Variants in DOCK10 observed in about 807,000 individuals in gnomAD.
DOCK10 encodes the protein dedicator of cytokinesis protein 10.
In DOCK10, 145 loss-of-function variants were observed where a neutral mutation model predicts 280.1. That is an observed-to-expected ratio of 0.52 (90% CI 0.45 to 0.59). DOCK10 has a LOEUF of 0.59. DOCK10 is among the 20% of genes least tolerant of loss of function. DOCK10 has a pLI of 0.00. For synonymous variants in DOCK10, 915 were observed against 942.2 expected, an observed-to-expected ratio of 0.97 and a Z score of 0.53; for missense variants, 2,368 against 2,651.7, an observed-to-expected ratio of 0.89 and a Z score of 2.35.
chr2:225,030,966 A>G (rs1690058856), intron 1 of DOCK10, among the ~76,000 whole-genome samples: 2 of 152,054 alleles, frequency 1.3e-5, no homozygotes, highest in Non-Finnish European at 2.9e-5. Flanking sequence ...TTGCATGCCT[A>G]ATCTATACTC....
intron 3 of DOCK10, 130 bp downstream of exon 3, chr2:224,916,563 GAC>G: frequency 3.4e-6 from 1 of 290,026 alleles, no homozygotes; most frequent in Non-Finnish European, 6.3e-6. Flanking sequence ...AAAAAAAAAA[GAC>G]ATCCACTAGT....
intron 7 of DOCK10, among the ~76,000 whole-genome samples, chr2:224,883,399 C>T (rs1304939720): frequency 2.6e-5 from 4 of 152,160 alleles, no homozygotes; most frequent in Non-Finnish European, 1.5e-5. Context: ...GATAAATTAA[C>T]ACACTTAGGA....
Position 225,033,308 on chromosome 2 carries a change from G to A in DOCK10, c.123+8944C>T, listed in dbSNP as rs568242108. On this transcript the variant is annotated intron_variant, in intron 1 of 55. Transcript: ENST00000258390. ...AGCAATTCTCCTGCCTCAGCCTCCCGAGCAGCTGGGACTACAGGTGCATGC... is the reference window on the plus strand; with the variant it reads ...AGCAATTCTCCTGCCTCAGCCTCCCAAGCAGCTGGGACTACAGGTGCATGC... 3.7e-3 allele frequency among the ~76,000 whole-genome samples: 555 copies of A among 151,758 alleles called. 6 individuals are homozygous for A. The highest frequency in any genetic ancestry group is 0.013 in the African/African-American group (523 of 41,352).
rs187093491 is a variant in DOCK10 at position 224,877,385 on chromosome 2, T to C, written c.748-1164A>G. On this transcript the variant is annotated intron_variant, in intron 7 of 55. Coordinates refer to ENST00000258390, the MANE Select transcript of DOCK10 (RefSeq NM_014689.3). Reference sequence around the variant, plus strand: ...TACGGACACTTGAAGGATTCAATAGTGGTGGGTTCAAAACCAGTCATATTT... The same window carrying C: ...TACGGACACTTGAAGGATTCAATAGCGGTGGGTTCAAAACCAGTCATATTT... Among the ~76,000 whole-genome samples the C allele has an allele frequency of 3.3e-5, 5 of 152,282 alleles. No homozygotes were observed. The East Asian group carries it at 7.7e-4, about 24-fold the overall frequency.
chr2:224,873,956 T>C lies in DOCK10; in HGVS notation c.1257+40A>G, dbSNP rs1283943928. Reference sequence around the variant, plus strand: ...GATTTTTGACTAGGGTGGTGTAATGTTGGCTTAATGGTATAGGATGTAACA... The same window carrying C: ...GATTTTTGACTAGGGTGGTGTAATGCTGGCTTAATGGTATAGGATGTAACA... On this transcript the variant is annotated intron_variant, in intron 11 of 55. Transcript: ENST00000258390. 5.1e-6 allele frequency: 8 copies of C among 1,571,028 alleles called. No individual in the cohort carries two copies. In the African/African-American group the frequency reaches 9.6e-5, roughly 19 times the overall value.
chr2:224,796,978 G>A lies in DOCK10; in HGVS notation c.4813C>T (p.Arg1605Trp), dbSNP rs374380450. ...GCAGCACTTACTTGTAAGTGGGACC[G>A]GACAATTGACTTCTGCTTGTTAAAT... is the stretch of plus-strand genomic sequence containing the variant. ...FEFNKQKSIVRSHLQLIKAVS... is the reference protein window; with the variant it reads ...FEFNKQKSIVWSHLQLIKAVS... Residue 1605 changes from arginine to tryptophan, a missense_variant, in exon 43 of 56, where the codon CGG (arginine) becomes TGG (tryptophan). Around this residue, in one of 2 missense-constraint regions of DOCK10, gnomAD observed 1,159 missense variants for 1,400.8 expected, o/e 0.83. Coordinates refer to ENST00000258390, the MANE Select transcript of DOCK10 (RefSeq NM_014689.3). 32 of 1,612,472 alleles carry A rather than the reference G, an allele frequency of 2.0e-5. No homozygotes were observed. The highest frequency in any genetic ancestry group is 2.5e-5 in the Non-Finnish European group (30 of 1,179,296).
At chr2:224,888,891 T>C (rs1699494986) in intron 4 of DOCK10, among the ~76,000 whole-genome samples, 1 of 152,010 alleles carries the variant, frequency 6.6e-6, no homozygotes, top group African/African-American at 2.4e-5. Flanking sequence ...TATATTAATG[T>C]GTGTGTGTGT....
chr2:224,815,616 G>A (rs1694077851), intron 30 of DOCK10, among the ~76,000 whole-genome samples: 1 of 151,856 alleles, frequency 6.6e-6, no homozygotes, highest in African/African-American at 2.4e-5. Flanking sequence ...AGATTAAAAT[G>A]GCAAAACTTT....
chr2:224,971,540 C>T (rs777630748), intron 1 of DOCK10, among the ~76,000 whole-genome samples: 2 of 152,096 alleles, frequency 1.3e-5, no homozygotes, highest in Non-Finnish European at 2.9e-5. Context: ...GTAATAGCTA[C>T]ACCTCATAGT....
chr2:224,823,686 G>A, intron 27 of DOCK10, 39 bp from the exon 28 acceptor site: 1 of 1,524,298 alleles, frequency 6.6e-7, no homozygotes, highest in Non-Finnish European at 8.7e-7. Context: ...AATGTGGCAT[G>A]TGAAATATTA....
chr2:224,965,685 AGCAGGT>A (rs1244848607), intron 1 of DOCK10, among the ~76,000 whole-genome samples: 2 of 152,218 alleles, frequency 1.3e-5, no homozygotes, highest in Admixed American at 6.5e-5. Context: ...ACTTGAAAAT[AGCAGGT>A]GCTCCATAAT....
At chr2:224,851,447 CTT>C (rs34157478) in intron 18 of DOCK10, among the ~76,000 whole-genome samples, 27 of 116,852 alleles carry the variant, frequency 2.3e-4, no homozygotes, top group Middle Eastern at 4.5e-3. Flanking sequence ...TCAAGACCTT[CTT>C]TTTTTTTTTA....
intron 1 of DOCK10, among the ~76,000 whole-genome samples, chr2:224,978,948 C>A (rs1405806192): frequency 7.1e-6 from 1 of 140,314 alleles, no homozygotes; most frequent in East Asian, 2.0e-4. Context: ...ACTCTGACAC[C>A]TTTTCCTTTC....
At chr2:224,967,372 GC>G in intron 1 of DOCK10, among the ~76,000 whole-genome samples, 1 of 152,194 alleles carries the variant, frequency 6.6e-6, no homozygotes, top group Non-Finnish European at 1.5e-5. Flanking sequence ...GAGCCACCGC[GC>G]CCAGCCGGCC....
intron 1 of DOCK10, among the ~76,000 whole-genome samples, chr2:224,989,301 G>C (rs946271508): frequency 6.6e-6 from 1 of 152,182 alleles, no homozygotes; most frequent in Non-Finnish European, 1.5e-5. Context: ...GAAGAAACAT[G>C]GGGACCAAGG....
chr2:225,031,927 C>T (rs1377898031), intron 1 of DOCK10, among the ~76,000 whole-genome samples: 1 of 152,112 alleles, frequency 6.6e-6, no homozygotes, highest in African/African-American at 2.4e-5. Flanking sequence ...TTCCACTAGC[C>T]CTGTCCTCAG....
At chr2:224,958,974 G>A (rs1704209208) in intron 1 of DOCK10, among the ~76,000 whole-genome samples, 1 of 152,186 alleles carries the variant, frequency 6.6e-6, no homozygotes, top group African/African-American at 2.4e-5. Context: ...TTTTGCAAGG[G>A]TATCATAGAT....
In DOCK10 at chr2:224,765,808, G is replaced by A. The variant is rs745749330; in HGVS notation, c.6474C>T (p.Arg2158=). 5.6e-6 allele frequency: 9 copies of A among 1,613,778 alleles called. No individual in the cohort carries two copies. The highest frequency in any genetic ancestry group is 2.2e-5 in the East Asian group (1 of 44,880). The change falls in exon 56 of 56, where the codon CGC becomes CGT. Residue 2158 remains arginine (R), a synonymous_variant. Coordinates refer to ENST00000258390, the MANE Select transcript of DOCK10 (RefSeq NM_014689.3). ...QITGRDDLSK[R]GVDQTCTRVI... is the part of the protein sequence containing the mutation. ...CTCGAGTGCAGGTTTGGTCCACTCC[G>A]CGCTTTGACAGGTCGTCCCTGCCCG...
At chr2:224,972,761 G>A (rs1029099172) in intron 1 of DOCK10, among the ~76,000 whole-genome samples, 3 of 152,146 alleles carry the variant, frequency 2.0e-5, no homozygotes, top group Non-Finnish European at 4.4e-5. Context: ...ATTTGAGAAT[G>A]ACAAAGTTGA....
Sources: allele counts gnomAD v4.1 joint callset (sites outside exome capture counted in the v4.1 genomes callset), GRCh38; gene constraint gnomAD v4.1.1; regional missense constraint gnomAD v4.1.1; transcripts MANE v1.5; gene names NCBI Gene and HGNC (gene_info 2026-07-23, HGNC 2026-07-21).